Variants in CD8A observed in about 807,000 individuals in gnomAD.
The protein encoded by CD8A is CD8 subunit alpha.
In CD8A, 25 loss-of-function variants were observed where a neutral mutation model predicts 24.2. The ratio of observed to expected loss-of-function variants is 1.03; its 90% CI spans 0.75 to 1.44. The LOEUF (loss-of-function observed/expected upper bound fraction) is 1.44. CD8A is among the 40% of genes most tolerant of loss of function. CD8A has a pLI of 0.00. For missense variants in CD8A, 360 were observed against 319.7 expected, an observed-to-expected ratio of 1.13 and a Z score of -0.96; for synonymous variants, 165 against 149.9, an observed-to-expected ratio of 1.10 and a Z score of -0.74.
rs142374955 is a variant in CD8A, at chr2:86,790,842, C to T, written c.-17G>A. ...TAAGGCCATGACGCGCTCCCCAGGACGCTGCTTGGCTCGAAGCTCGGGCGC... is the reference window on the plus strand; with the variant it reads ...TAAGGCCATGACGCGCTCCCCAGGATGCTGCTTGGCTCGAAGCTCGGGCGC... On this transcript the variant is annotated 5_prime_UTR_variant, in exon 1 of 6. Coordinates refer to ENST00000283635, the MANE Select transcript of CD8A (RefSeq NM_001768.7). The T allele has an allele frequency of 1.8e-3, 2,726 of 1,539,616 alleles. 51 individuals are homozygous for T. The African/African-American group carries it at 0.033, about 19-fold the overall frequency.
chr2:86,789,806 A>G, intron 2 of CD8A, 56 bp from the exon 3 acceptor site: 1 of 807,954 alleles, frequency 1.2e-6, no homozygotes, highest in Non-Finnish European at 1.7e-6. Flanking sequence ...GAGGCGCCCC[A>G]GCCCCGGCCT....
In CD8A at chr2:86,789,548, C is replaced by G. The variant is rs1015673425; in HGVS notation, c.514+92G>C. 7.5e-5 allele frequency: 99 copies of G among 1,317,860 alleles called. No homozygotes were observed. The African/African-American group carries it at 1.2e-3, about 17-fold the overall frequency. The allele number at this position is 1,317,860 out of a possible 1,614,324, so 81.6% of individuals were successfully genotyped here. On this transcript the variant is annotated intron_variant, in intron 3 of 5. Transcript: ENST00000283635. ...CTCGGTTTCCCACCACTTGGACAGC[C>G]CTTGACTCTACCTACAGTATCAGGG...
At chr2:86,803,265 G>T (rs550199482) in intron 2 of CD8A, among the ~76,000 whole-genome samples, 1 of 152,230 alleles carries the variant, frequency 6.6e-6, no homozygotes, top group Admixed American at 6.5e-5. Flanking sequence ...TCTCTTCTGG[G>T]CTCATACCCA....
chr2:86,788,971 T>A (rs1234553240), intron 4 of CD8A, among the ~76,000 whole-genome samples: 1 of 152,190 alleles, frequency 6.6e-6, no homozygotes, highest in African/African-American at 2.4e-5. Flanking sequence ...ATGGTGGTTT[T>A]GACTAACCCT....
chr2:86,784,688 T>G lies in CD8A; in HGVS notation c.*1232A>C, dbSNP rs1440498767. 2.2e-6 allele frequency: 1 copy of G among 448,988 alleles called. No individual in the cohort carries two copies. The highest frequency in any genetic ancestry group is 4.5e-6 in the Non-Finnish European group (1 of 224,080). 27.8% of individuals were successfully genotyped at this position (448,988 alleles called of 1,614,324 possible). ...CATAACAGCATAGTACAACCCTATT[T>G]AAAAAAGAAAGACATATTTTACATG... On this transcript the variant is annotated 3_prime_UTR_variant, in exon 6 of 6. Coordinates refer to ENST00000283635, the MANE Select transcript of CD8A (RefSeq NM_001768.7).
chr2:86,788,581 G>T (rs758739859), intron 4 of CD8A, 21 bp from the exon 5 acceptor site: 2 of 1,609,128 alleles, frequency 1.2e-6, no homozygotes, highest in African/African-American at 1.3e-5. Context: ...AAAAAGAAGG[G>T]AAAAAGTGAG....
chr2:86,794,228 T>TA (rs566093400), upstream of CD8A, among the ~76,000 whole-genome samples: 206 of 152,216 alleles, frequency 1.4e-3, no homozygotes, highest in Non-Finnish European at 2.0e-3. Context: ...CAGAAGTAGA[T>TA]AGAGTAAGAT....
chr2:86,789,628 C>CG lies in CD8A; in HGVS notation c.514+11dup, dbSNP rs1673180578. The CG allele has an allele frequency of 4.0e-6, 6 of 1,493,546 alleles. No individual in the cohort carries two copies. Among genetic ancestry groups the CG allele is most frequent in the Non-Finnish European group, 5.4e-6 (6 of 1,121,304 alleles). 92.5% of individuals were successfully genotyped at this position (1,493,546 alleles called of 1,614,324 possible). ...GCGTGCCGCCCCCGCCCCGGGCCCC[C>CG]GCACGCCTCACCTGCGCCCCCCGCC... is the stretch of plus-strand genomic sequence containing the variant. On this transcript the variant is annotated intron_variant, in intron 3 of 5. Coordinates refer to ENST00000283635, the MANE Select transcript of CD8A (RefSeq NM_001768.7).
chr2:86,803,105 T>C (rs1454265906), intron 2 of CD8A, among the ~76,000 whole-genome samples: 1 of 152,250 alleles, frequency 6.6e-6, no homozygotes, highest in Non-Finnish European at 1.5e-5. Flanking sequence ...ATGTCCTTTA[T>C]AGTGATGAAA....
rs1573461818 is a variant in CD8A at position 86,790,640 on chromosome 2, G to A, written c.91C>T (p.Arg31Trp). Residue 31 changes from arginine (R) to tryptophan (W), a missense_variant, in exon 2 of 6, where the codon CGG becomes TGG. Physicochemically the swap from Arg to Trp is moderately radical, Grantham distance 101. Coordinates refer to ENST00000283635, the MANE Select transcript of CD8A (RefSeq NM_001768.7). ...PSQFRVSPLDRTWNLGETVEL... is the reference protein window; with the variant it reads ...PSQFRVSPLDWTWNLGETVEL... ...ACTGTCTCGCCCAGGTTCCAGGTCCGATCCAGCGGCGACACCCGGAACTGG... is the reference window on the plus strand; with the variant it reads ...ACTGTCTCGCCCAGGTTCCAGGTCCAATCCAGCGGCGACACCCGGAACTGG... 1.2e-6 allele frequency: 2 copies of A among 1,602,758 alleles called. No homozygotes were observed.
At chr2:86,799,583 C>T (rs1487137932) in intron 3 of CD8A, among the ~76,000 whole-genome samples, 3 of 152,062 alleles carry the variant, frequency 2.0e-5, no homozygotes, top group Non-Finnish European at 4.4e-5. Flanking sequence ...GGTGAAACCC[C>T]ATCTCTACCA....
At chr2:86,800,318 C>A (rs772637515) in intron 3 of CD8A, among the ~76,000 whole-genome samples, 1 of 151,242 alleles carries the variant, frequency 6.6e-6, no homozygotes, top group African/African-American at 2.4e-5. Flanking sequence ...AAAATTTAGT[C>A]GGGCATGGTG....
chr2:86,807,268 C>T (rs180991291), intron 2 of CD8A, among the ~76,000 whole-genome samples: 50 of 152,276 alleles, frequency 3.3e-4, no homozygotes, highest in Non-Finnish European at 6.3e-4. Flanking sequence ...CTGTAGTGAG[C>T]CGTGATTGCA....
At chr2:86,792,544 G>A (rs1406131822), upstream of CD8A, among the ~76,000 whole-genome samples, 1 of 129,438 alleles carries the variant, frequency 7.7e-6, no homozygotes, top group Non-Finnish European at 1.6e-5. Flanking sequence ...CCAGGCTGGA[G>A]TGCAGTGTGG....
intron 3 of CD8A, among the ~76,000 whole-genome samples, chr2:86,798,689 AT>A (rs1673564779): frequency 6.6e-6 from 1 of 151,856 alleles, no homozygotes; most frequent in Non-Finnish European, 1.5e-5. Context: ...TGCCCAGCTA[AT>A]TTTTATATTT....
At chr2:86,792,335 C>T (rs1461958804), upstream of CD8A, among the ~76,000 whole-genome samples, 1 of 152,136 alleles carries the variant, frequency 6.6e-6, no homozygotes, top group Non-Finnish European at 1.5e-5. Context: ...ATGTGTCTGC[C>T]CCACCCATTA....
intron 2 of CD8A, 86 bp downstream of exon 2, chr2:86,790,242 C>T (rs1034964042): frequency 1.0e-6 from 1 of 994,368 alleles, no homozygotes; most frequent in Non-Finnish European, 1.6e-6. Context: ...CGCTAAGAGG[C>T]TTGAAAGCAG....
chr2:86,803,473 C>G (rs1329420061), intron 2 of CD8A, among the ~76,000 whole-genome samples: 3 of 152,168 alleles, frequency 2.0e-5, no homozygotes, highest in African/African-American at 4.8e-5. Context: ...CCTAGACGGG[C>G]CTGGAGGACA....
In CD8A at chr2:86,789,683, C is replaced by G; in HGVS notation, c.471G>C (p.Leu157=). 1 of 1,439,250 alleles carries G rather than the reference C, an allele frequency of 6.9e-7. No homozygotes were observed. The highest frequency in any genetic ancestry group is 9.1e-7 in the Non-Finnish European group (1 of 1,102,304). 89.2% of individuals were successfully genotyped at this position (1,439,250 alleles called of 1,614,324 possible). Reference sequence around the variant, plus strand: ...GCCGGCACGCCTCTGGGCGCAGGGACAGGGGCTGCGACGCGATGGTGGGCG... The same window carrying G: ...GCCGGCACGCCTCTGGGCGCAGGGAGAGGGGCTGCGACGCGATGGTGGGCG... ...TPAPTIASQP[L]SLRPEACRPA... Residue 157 remains leucine (L), a synonymous_variant, in exon 3 of 6, where the codon CTG becomes CTC. Coordinates refer to ENST00000283635, the MANE Select transcript of CD8A (RefSeq NM_001768.7).
Sources: allele counts gnomAD v4.1 joint callset (sites outside exome capture counted in the v4.1 genomes callset), GRCh38; gene constraint gnomAD v4.1.1; transcripts MANE v1.5; gene names NCBI Gene and HGNC (gene_info 2026-07-23, HGNC 2026-07-21).